Variants in ROBO1 observed in about 807,000 individuals in gnomAD.
ROBO1 encodes the protein roundabout guidance receptor 1.
Under a neutral mutation model 195.9 loss-of-function variants are expected in ROBO1, and 149 were observed. The ratio of observed to expected loss-of-function variants is 0.76; its 90% CI spans 0.67 to 0.87. The LOEUF (loss-of-function observed/expected upper bound fraction) is 0.87, where lower values mean the gene tolerates loss of function less well. Among genes scored for constraint, ROBO1 ranks in the 40% least tolerant of loss-of-function variants. ROBO1 has a pLI of 0.00. For missense variants in ROBO1, 1,933 were observed against 2,068.3 expected (o/e 0.93, Z 1.27); for synonymous variants, 816 against 733.2 (o/e 1.11, Z -1.82).
At chr3:79,504,336 T>C (rs1329293601) in intron 2 of ROBO1, among the ~76,000 whole-genome samples, 2 of 152,112 alleles carry the variant, frequency 1.3e-5, no homozygotes, top group African/African-American at 4.8e-5. Context: ...TCCAGACTAA[T>C]ATAAATGTAT....
intron 2 of ROBO1, among the ~76,000 whole-genome samples, chr3:79,277,183 C>T (rs2031110238): frequency 6.6e-6 from 1 of 152,012 alleles, no homozygotes; most frequent in South Asian, 2.1e-4. Context: ...TGTATTGTAG[C>T]ACTATTCACA....
chr3:79,387,219 T>C (rs1191032887), intron 2 of ROBO1, among the ~76,000 whole-genome samples: 1 of 152,100 alleles, frequency 6.6e-6, no homozygotes, highest in African/African-American at 2.4e-5. Context: ...AAAGTACAGG[T>C]TGATGATAAT....
intron 4 of ROBO1, among the ~76,000 whole-genome samples, chr3:78,917,267 TG>T (rs2038665565): frequency 6.6e-6 from 1 of 152,032 alleles, no homozygotes; most frequent in Non-Finnish European, 1.5e-5. Flanking sequence ...CAGTTAATTT[TG>T]GCACTTGTAG....
chr3:78,789,687 C>G (rs980812960), intron 4 of ROBO1, among the ~76,000 whole-genome samples: 2 of 152,120 alleles, frequency 1.3e-5, no homozygotes, highest in Admixed American at 1.3e-4. Context: ...CTTGAGAGAA[C>G]ACGGGGCGAC....
Position 78,645,581 on chromosome 3 carries a change from C to G in ROBO1, c.2882+567G>C, listed in dbSNP as rs143100042. On this transcript the variant is annotated intron_variant, in intron 21 of 30. Coordinates refer to ENST00000464233, the MANE Select transcript of ROBO1 (RefSeq NM_002941.4). The stretch of plus-strand genomic sequence containing the variant: ...TTCTCTGTGAATATATTAAAGTTCA[C>G]TGAATAATAATTACTTTAAAAATCA... 1.7e-3 allele frequency among the ~76,000 whole-genome samples: 253 copies of G among 152,070 alleles called. No homozygotes were observed. The South Asian group carries it at 0.021, about 13-fold the overall frequency.
chr3:78,703,555 T>C (rs1045516779), intron 8 of ROBO1, among the ~76,000 whole-genome samples: 5 of 151,992 alleles, frequency 3.3e-5, no homozygotes, highest in Non-Finnish European at 5.9e-5. Context: ...CAGTTGAAAA[T>C]TTTTTAATCC....
intron 4 of ROBO1, among the ~76,000 whole-genome samples, chr3:78,892,012 TTTGTGA>T (rs2107374515): frequency 6.6e-6 from 1 of 152,328 alleles, no homozygotes; most frequent in South Asian, 2.1e-4. Context: ...GTTACACGGG[TTTGTGA>T]GTATATTCAC....
chr3:79,184,171 T>A (rs764842389), intron 2 of ROBO1, among the ~76,000 whole-genome samples: 12 of 152,192 alleles, frequency 7.9e-5, no homozygotes, highest in Admixed American at 1.3e-4. Flanking sequence ...AGTAAACATA[T>A]GACTTTTAAA....
chr3:78,774,649 C>G (rs1013877278), intron 4 of ROBO1, among the ~76,000 whole-genome samples: 3 of 151,758 alleles, frequency 2.0e-5, no homozygotes, highest in African/African-American at 4.8e-5. Context: ...AGAGGAAACT[C>G]ACTTTAACTT....
intron 2 of ROBO1, among the ~76,000 whole-genome samples, chr3:79,343,324 AG>A (rs1040230345): frequency 6.6e-6 from 1 of 152,156 alleles, no homozygotes; most frequent in Non-Finnish European, 1.5e-5. Context: ...GTGCAATAAA[AG>A]TTTCCTGCTT....
At position 79,269,119 on chromosome 3, in the gene ROBO1, A is replaced by G. The variant is rs536178300; in HGVS notation, c.89-143580T>C. On this transcript the variant is annotated intron_variant, in intron 2 of 30. Transcript: ENST00000464233. ...TAGAGCAAATGTGGTGCAGAGACTG[A>G]CATATAGAATTAACCTCTAAATACA... is the stretch of plus-strand genomic sequence containing the variant. Among the ~76,000 whole-genome samples, 283 of 151,736 alleles carry G rather than the reference A, an allele frequency of 1.9e-3. 1 individual carries two copies. Among genetic ancestry groups the G allele is most frequent in the African/African-American group, 5.9e-3 (245 of 41,486 alleles).
At chr3:79,483,581 T>C (rs1223172600) in intron 2 of ROBO1, among the ~76,000 whole-genome samples, 2 of 152,210 alleles carry the variant, frequency 1.3e-5, no homozygotes, top group African/African-American at 2.4e-5. Flanking sequence ...CTATAGGATG[T>C]AACCTATTGC....
intron 1 of ROBO1, among the ~76,000 whole-genome samples, chr3:79,676,599 A>C (rs372111230): frequency 2.0e-5 from 3 of 152,106 alleles, no homozygotes; most frequent in African/African-American, 4.8e-5. Flanking sequence ...TACAAACTGC[A>C]GTCACCTCCC....
chr3:78,748,840 T>C (rs1469258700), intron 4 of ROBO1, among the ~76,000 whole-genome samples: 3 of 152,172 alleles, frequency 2.0e-5, no homozygotes, highest in African/African-American at 7.2e-5. Context: ...TTCTTTCTTA[T>C]CTTTGGAAAG....
chr3:79,561,633 T>G (rs1378105607), intron 2 of ROBO1, among the ~76,000 whole-genome samples: 1 of 152,174 alleles, frequency 6.6e-6, no homozygotes, highest in Admixed American at 6.6e-5. Flanking sequence ...AGATTTATAG[T>G]TTTAGAATAT....
At chr3:79,459,491 C>A (rs1490037021) in intron 2 of ROBO1, among the ~76,000 whole-genome samples, 1 of 150,314 alleles carries the variant, frequency 6.7e-6, no homozygotes, top group Non-Finnish European at 1.5e-5. Flanking sequence ...GTATATAGAA[C>A]CAATAATATT....
chr3:79,195,943 T>G (rs1011275885), intron 2 of ROBO1, among the ~76,000 whole-genome samples: 1 of 151,588 alleles, frequency 6.6e-6, no homozygotes, highest in Admixed American at 6.6e-5. Flanking sequence ...CTCTAGAATA[T>G]TAAACAGGTT....
At chr3:79,419,915 T>A (rs1251389803) in intron 2 of ROBO1, among the ~76,000 whole-genome samples, 1 of 152,096 alleles carries the variant, frequency 6.6e-6, no homozygotes, top group African/African-American at 2.4e-5. Flanking sequence ...TATGTATACA[T>A]AAGGTATACA....
Position 78,657,222 on chromosome 3 carries a change from C to T in ROBO1, c.2490G>A (p.Val830=), listed in dbSNP as rs1707093751. The T allele has an allele frequency of 6.2e-7, 1 of 1,613,632 alleles. No homozygotes were observed. Among genetic ancestry groups the T allele is most frequent in the East Asian group, 2.2e-5 (1 of 44,838 alleles). Residue 830 remains valine (V), a synonymous_variant, in exon 18 of 31, where the codon GTG becomes GTA. Transcript: ENST00000464233. The part of the protein sequence containing the change: ...NETRYHINKT[V]DGSTFSVVIP... Reference sequence around the variant, plus strand: ...TGACCACGGAAAAGGTGGAACCATCCACTGTTTTGTTGATGTGGTATCGAG... The same window carrying T: ...TGACCACGGAAAAGGTGGAACCATCTACTGTTTTGTTGATGTGGTATCGAG...
Sources: allele counts gnomAD v4.1 joint callset (sites outside exome capture counted in the v4.1 genomes callset), GRCh38; gene constraint gnomAD v4.1.1; transcripts MANE v1.5; gene names NCBI Gene and HGNC (gene_info 2026-07-23, HGNC 2026-07-21).